The following PCDHA1 variants were observed in gnomAD, a reference collection of about 807,000 sequenced individuals.
The protein encoded by PCDHA1 is protocadherin alpha 1, also known as protocadherin alpha-1.
PCDHA1 carries 42 observed loss-of-function variants against 61.3 expected under a neutral mutation model. That is an observed-to-expected ratio of 0.69 (90% CI 0.54 to 0.89). The LOEUF (loss-of-function observed/expected upper bound fraction) is 0.89. Ranked by LOEUF, PCDHA1 falls within the 40% of genes least tolerant of loss-of-function variation. The pLI, the probability that PCDHA1 is intolerant of heterozygous loss-of-function variation, is 0.00. For synonymous variants in PCDHA1, 610 were observed against 553.8 expected, an observed-to-expected ratio of 1.10 and a Z score of -1.43; for missense variants, 1,256 against 1,235.3, an observed-to-expected ratio of 1.02 and a Z score of -0.25.
At chr5:140,877,533 G>A (rs1554169813) in intron 1 of PCDHA1, 2 of 1,613,790 alleles carry the variant, frequency 1.2e-6, no homozygotes, top group South Asian at 2.2e-5. Context: ...TGGGCGCTGT[G>A]GATCCCGAAG....
chr5:140,881,301 A>C (rs1432436745), intron 1 of PCDHA1: 2 of 957,940 alleles, frequency 2.1e-6, no homozygotes, highest in Admixed American at 1.2e-4. Context: ...TGGAAACTTT[A>C]ACCTCCTGGT....
intron 1 of PCDHA1, among the ~76,000 whole-genome samples, chr5:140,838,604 C>G (rs1335900872): frequency 6.6e-6 from 1 of 151,900 alleles, no homozygotes; most frequent in Non-Finnish European, 1.5e-5. Context: ...ATTGTCTAGA[C>G]TTTTAAAAAT....
chr5:140,788,972 T>G, intron 1 of PCDHA1: 1 of 460,196 alleles, frequency 2.2e-6, no homozygotes. Context: ...TTTAACACAA[T>G]ATCTCAATGT....
chr5:140,833,536 G>A (rs188132068), intron 1 of PCDHA1, among the ~76,000 whole-genome samples: 247 of 152,256 alleles, frequency 1.6e-3, no homozygotes, highest in African/African-American at 5.6e-3. Flanking sequence ...ACAAGTGTTC[G>A]AAAGGATAGA....
At chr5:140,866,264 G>C (rs908649642) in intron 1 of PCDHA1, 1 of 152,052 alleles carries the variant, frequency 6.6e-6, no homozygotes, top group Admixed American at 6.5e-5. Flanking sequence ...TTTCTTTACT[G>C]TGAATAAAGA....
At chr5:140,798,031 AATTTTTT>A (rs1197146833) in intron 1 of PCDHA1, among the ~76,000 whole-genome samples, 3 of 151,744 alleles carry the variant, frequency 2.0e-5, no homozygotes, top group Admixed American at 6.6e-5. Flanking sequence ...TTCTTTTTTA[AATTTTTT>A]ATTTTTAGTA....
At chr5:140,896,673 G>A (rs962137649) in intron 1 of PCDHA1, among the ~76,000 whole-genome samples, 12 of 152,000 alleles carry the variant, frequency 7.9e-5, no homozygotes, top group Admixed American at 2.6e-4. Context: ...CACTGTGCCC[G>A]GCCCTTTGCC....
chr5:140,966,894 A>G, intron 1 of PCDHA1: 1 of 1,596,438 alleles, frequency 6.3e-7, no homozygotes, highest in Non-Finnish European at 8.5e-7. Flanking sequence ...GCGGCCTCCC[A>G]GCTGCGATAC....
At chr5:140,839,904 A>G (rs2150301613) in intron 1 of PCDHA1, among the ~76,000 whole-genome samples, 18 of 152,076 alleles carry the variant, frequency 1.2e-4, no homozygotes, top group African/African-American at 4.3e-4. Context: ...AAGATGAAGT[A>G]ATAGAAGAAA....
chr5:140,870,582 G>T (rs1554164436), intron 1 of PCDHA1: 2 of 1,613,846 alleles, frequency 1.2e-6, no homozygotes, highest in Non-Finnish European at 1.7e-6. Flanking sequence ...CCTACTCGCT[G>T]GTGGAGCGGC....
rs2150489798 is a variant in PCDHA1, at chr5:140,850,571, G to T, written c.2394+61887G>T. 5 of 1,598,430 alleles carry T rather than the reference G, an allele frequency of 3.1e-6. No individual in the cohort carries two copies. In the East Asian group the frequency reaches 1.1e-4, roughly 36 times the overall value. ...TGGGTGCCACGGGCCCCGAGGTGAC[G>T]CTGGTGGATGTCAACGTGTACCTGA... On this transcript the variant is annotated intron_variant, in intron 1 of 3. Coordinates refer to ENST00000504120, the MANE Select transcript of PCDHA1 (RefSeq NM_018900.4).
chr5:140,801,828 C>T (rs1199164485), intron 1 of PCDHA1: 1 of 1,614,058 alleles, frequency 6.2e-7, no homozygotes, highest in Non-Finnish European at 8.5e-7. Context: ...GCATTATTTA[C>T]TAATAACAGC....
chr5:141,005,701 CAAAAAAAAAAAA>C (rs59860837), intron 3 of PCDHA1, among the ~76,000 whole-genome samples: 139 of 7,794 alleles, frequency 0.018, no homozygotes, highest in African/African-American at 0.055. Context: ...AACTCCGTCT[CAAAAAAAAAAAA>C]AAAAAAAAAA....
chr5:140,982,789 G>A (rs894929116), intron 3 of PCDHA1, among the ~76,000 whole-genome samples: 3 of 151,400 alleles, frequency 2.0e-5, no homozygotes, highest in Admixed American at 6.5e-5. Context: ...GTGCACGCAT[G>A]TGTGCATGTG....
At chr5:140,856,076 G>T in intron 1 of PCDHA1, 1 of 1,593,874 alleles carries the variant, frequency 6.3e-7, no homozygotes, top group Non-Finnish European at 8.6e-7. Flanking sequence ...CTGCCTGGGG[G>T]TCCAGTGTCT....
chr5:140,829,163 C>G, intron 1 of PCDHA1: 24 of 1,614,024 alleles, frequency 1.5e-5, no homozygotes, highest in Non-Finnish European at 2.0e-5. Flanking sequence ...CTTATCCTTG[C>G]CTGTACGTGA....
chr5:140,841,362 T>A, intron 1 of PCDHA1: 1 of 1,613,494 alleles, frequency 6.2e-7, no homozygotes, highest in African/African-American at 1.3e-5. Flanking sequence ...TCCTGGCGAC[T>A]ACTACTCTTG....
intron 1 of PCDHA1, chr5:140,824,308 G>A (rs1768081787): frequency 2.5e-6 from 2 of 784,768 alleles, no homozygotes; most frequent in South Asian, 3.5e-5. Flanking sequence ...TGGGGTAATA[G>A]ATTCATCAGC....
intron 1 of PCDHA1, among the ~76,000 whole-genome samples, chr5:140,915,967 A>G (rs1188377648): frequency 1.3e-5 from 2 of 152,078 alleles, no homozygotes; most frequent in Non-Finnish European, 2.9e-5. Flanking sequence ...TTTGCCTGAT[A>G]TTTTATTTGA....
Sources: allele counts gnomAD v4.1 joint callset (sites outside exome capture counted in the v4.1 genomes callset), GRCh38; gene constraint gnomAD v4.1.1; transcripts MANE v1.5; gene names NCBI Gene and HGNC (gene_info 2026-07-23, HGNC 2026-07-21).